Variants in CSMD1 observed in about 807,000 individuals in gnomAD.
CSMD1 encodes CUB and sushi domain-containing protein 1.
CSMD1 carries 213 observed loss-of-function variants against 417.5 expected under a neutral mutation model. The observed-to-expected ratio is 0.51, with a 90% CI of 0.46 to 0.57. The LOEUF (loss-of-function observed/expected upper bound fraction) is 0.57, where lower values mean the gene tolerates loss of function less well. CSMD1 is among the 20% of genes least tolerant of loss of function. The probability of loss-of-function intolerance (pLI) is 0.00; values close to 1 mark genes in which losing one functional copy is unlikely to be tolerated. For synonymous variants in CSMD1, 2,862 were observed against 1,736.8 expected, an observed-to-expected ratio of 1.65 and a Z score of -16.11; for missense variants, 6,923 against 4,529.7, an observed-to-expected ratio of 1.53 and a Z score of -15.17.
intron 26 of CSMD1, among the ~76,000 whole-genome samples, chr8:3,272,926 C>T (rs1347131247): frequency 6.7e-6 from 1 of 148,852 alleles, no homozygotes; most frequent in African/African-American, 2.5e-5. Context: ...CCTTTATTTC[C>T]TTCTCCTGCC....
intron 8 of CSMD1, among the ~76,000 whole-genome samples, chr8:3,592,829 G>A (rs1053362085): frequency 8.5e-5 from 13 of 152,230 alleles, no homozygotes; most frequent in African/African-American, 2.6e-4. Flanking sequence ...GGATCCAGGT[G>A]TACATCATGA....
chr8:4,682,375 A>C (rs1051869914), intron 1 of CSMD1, among the ~76,000 whole-genome samples: 22 of 152,238 alleles, frequency 1.4e-4, no homozygotes, highest in African/African-American at 5.3e-4. Flanking sequence ...TATTTAAATT[A>C]CTTGTTGTGT....
chr8:3,046,747 T>A (rs1383669507), intron 50 of CSMD1, among the ~76,000 whole-genome samples: 4 of 152,188 alleles, frequency 2.6e-5, no homozygotes, highest in Non-Finnish European at 4.4e-5. Context: ...AACACTTCCC[T>A]AGAGGTTTCT....
chr8:3,780,123 A>T (rs1584986490), intron 5 of CSMD1, among the ~76,000 whole-genome samples: 6 of 152,340 alleles, frequency 3.9e-5, no homozygotes, highest in Admixed American at 3.9e-4. Context: ...GCTTGCGCTG[A>T]TATAAACCTG....
intron 41 of CSMD1, among the ~76,000 whole-genome samples, chr8:3,136,974 G>A (rs181443202): frequency 1.3e-5 from 2 of 151,966 alleles, no homozygotes; most frequent in African/African-American, 2.4e-5. Flanking sequence ...TTTTAATTGA[G>A]AGATAATAAT....
intron 3 of CSMD1, among the ~76,000 whole-genome samples, chr8:4,080,654 A>T (rs1318967103): frequency 6.6e-6 from 1 of 152,216 alleles, no homozygotes; most frequent in East Asian, 1.9e-4. Context: ...TAGCACGACA[A>T]GACAAAAGTA....
Position 3,052,446 on chromosome 8 carries a change from G to T in CSMD1, c.7660+16C>A. 6.4e-7 allele frequency: 1 copy of T among 1,551,536 alleles called. No individual in the cohort carries two copies. Among genetic ancestry groups the T allele is most frequent in the East Asian group, 2.4e-5 (1 of 41,418 alleles). On this transcript the variant is annotated intron_variant, in intron 50 of 69. Transcript: ENST00000635120. ...CCTAAACCCACAAAGATGGGCAGAT[G>T]CCCCTGAACACTTACGCTTACACGT...
chr8:3,396,288 T>C lies in CSMD1; in HGVS notation c.2499A>G (p.Ala833=), dbSNP rs770946583. Residue 833 remains alanine (A), a synonymous_variant, in exon 17 of 70, where the codon GCA becomes GCG. Coordinates refer to ENST00000635120, the MANE Select transcript of CSMD1 (RefSeq NM_033225.6). Reference sequence around the variant, plus strand: ...TCCCGGTGCTGATGAGGAACTGGGGTGCCTGGGTGCCGTGGTACTCGCCGA... The same window carrying C: ...TCCCGGTGCTGATGAGGAACTGGGGCGCCTGGGTGCCGTGGTACTCGCCGA... ...PLIGEYHGTQ[A]PQFLISTGNF... 2 of 1,601,652 alleles carry C rather than the reference T, an allele frequency of 1.2e-6. No homozygotes were observed. Among genetic ancestry groups the C allele is most frequent in the South Asian group, 1.1e-5 (1 of 88,412 alleles).
chr8:3,698,222 C>T (rs1800662440), intron 7 of CSMD1, among the ~76,000 whole-genome samples: 1 of 152,166 alleles, frequency 6.6e-6, no homozygotes, highest in Non-Finnish European at 1.5e-5. Context: ...TCTGCAGTGA[C>T]AAACGCCTGT....
At chr8:4,447,624 G>C (rs539458324) in intron 2 of CSMD1, among the ~76,000 whole-genome samples, 4 of 152,172 alleles carry the variant, frequency 2.6e-5, no homozygotes, top group Non-Finnish European at 4.4e-5. Context: ...GACTAAGCTT[G>C]TTCAAAGTCG....
At chr8:4,471,158 G>C (rs191927375) in intron 2 of CSMD1, among the ~76,000 whole-genome samples, 1 of 152,180 alleles carries the variant, frequency 6.6e-6, no homozygotes, top group East Asian at 1.9e-4. Context: ...ATTATCACAT[G>C]CCAGGCCTTA....
chr8:3,664,710 G>T (rs943050320), intron 7 of CSMD1, among the ~76,000 whole-genome samples: 1 of 152,120 alleles, frequency 6.6e-6, no homozygotes, highest in Non-Finnish European at 1.5e-5. Context: ...TCATCTTATC[G>T]GGATGTTGAA....
intron 41 of CSMD1, among the ~76,000 whole-genome samples, chr8:3,138,471 G>A (rs1194664489): frequency 2.0e-5 from 3 of 152,196 alleles, no homozygotes; most frequent in Non-Finnish European, 4.4e-5. Context: ...TCTATCCTGA[G>A]TCCAGAAGTA....
At chr8:4,480,867 C>A (rs1036610982) in intron 2 of CSMD1, among the ~76,000 whole-genome samples, 1 of 152,144 alleles carries the variant, frequency 6.6e-6, no homozygotes, top group Admixed American at 6.5e-5. Context: ...TCCCTGGGTC[C>A]CTGGTTAAAG....
intron 3 of CSMD1, among the ~76,000 whole-genome samples, chr8:4,197,649 C>T (rs1051405216): frequency 6.6e-6 from 1 of 152,148 alleles, no homozygotes; most frequent in Non-Finnish European, 1.5e-5. Flanking sequence ...GAGGCCGAGG[C>T]AGGTGGATCA....
chr8:4,371,742 C>T (rs192650352), intron 3 of CSMD1, among the ~76,000 whole-genome samples: 13 of 152,226 alleles, frequency 8.5e-5, no homozygotes, highest in Middle Eastern at 3.4e-3. Flanking sequence ...ATTTTTCAAA[C>T]GCCTAAGGTC....
chr8:3,981,278 G>A (rs1488668035), intron 5 of CSMD1, among the ~76,000 whole-genome samples: 5 of 152,132 alleles, frequency 3.3e-5, no homozygotes, highest in African/African-American at 7.2e-5. Flanking sequence ...TCACTGATAT[G>A]TGGGAGCTAA....
chr8:4,757,784 C>A (rs887554250), intron 1 of CSMD1, among the ~76,000 whole-genome samples: 3 of 151,812 alleles, frequency 2.0e-5, no homozygotes, highest in Non-Finnish European at 4.4e-5. Context: ...CATGGTGAAA[C>A]CCTGTTTCTA....
chr8:4,220,379 C>T (rs909217750), intron 3 of CSMD1, among the ~76,000 whole-genome samples: 2 of 152,138 alleles, frequency 1.3e-5, no homozygotes, highest in African/African-American at 4.8e-5. Context: ...GAGGAGGACC[C>T]ACAGAGGCCT....
Sources: allele counts gnomAD v4.1 joint callset (sites outside exome capture counted in the v4.1 genomes callset), GRCh38; gene constraint gnomAD v4.1.1; transcripts MANE v1.5; gene names NCBI Gene and HGNC (gene_info 2026-07-23, HGNC 2026-07-21).